The following BDP1 variants were observed in gnomAD, a reference collection of about 807,000 sequenced individuals.
BDP1 encodes the protein BDP1 general transcription factor IIIB subunit.
BDP1 carries 169 observed loss-of-function variants against 266.6 expected under a neutral mutation model. The ratio of observed to expected loss-of-function variants is 0.63; its 90% confidence interval spans 0.56 to 0.72. The LOEUF (loss-of-function observed/expected upper bound fraction) is 0.72, where lower values mean the gene tolerates loss of function less well. Among genes scored for constraint, BDP1 ranks in the 30% least tolerant of loss-of-function variants. BDP1 has a pLI of 0.00. For synonymous variants in BDP1, 1,090 were observed against 1,022.4 expected (o/e 1.07, Z -1.26); for missense variants, 3,015 against 3,053.8 (o/e 0.99, Z 0.30).
chr5:71,467,249 GAT>G, intron 5 of BDP1, 103 bp from the exon 6 acceptor site: 1 of 910,148 alleles, frequency 1.1e-6, no homozygotes. Flanking sequence ...TTATGCCTTT[GAT>G]ATGATTGCCA....
chr5:71,574,299 G>C, the BDP1 span, among the ~76,000 whole-genome samples: 1 of 152,212 alleles, frequency 6.6e-6, no homozygotes, highest in Admixed American at 6.5e-5. Context: ...TGTCCTCGCT[G>C]TAACAAAGGA....
At chr5:71,471,070 A>G in intron 7 of BDP1, among the ~76,000 whole-genome samples, 1 of 151,976 alleles carries the variant, frequency 6.6e-6, no homozygotes, top group Non-Finnish European at 1.5e-5. Flanking sequence ...CACTGCAACT[A>G]AGATATAAGA....
At chr5:71,473,100 G>C (rs1762364202) in intron 7 of BDP1, among the ~76,000 whole-genome samples, 1 of 151,204 alleles carries the variant, frequency 6.6e-6, no homozygotes, top group African/African-American at 2.4e-5. Flanking sequence ...GCTCAGGCTG[G>C]TCTGGGACTC....
intron 9 of BDP1, 54 bp downstream of exon 9, chr5:71,486,681 A>G (rs974882356): frequency 7.1e-7 from 1 of 1,400,768 alleles, no homozygotes. Context: ...TAAACTTGCA[A>G]TATTGTCCCT....
intron 34 of BDP1, among the ~76,000 whole-genome samples, chr5:71,551,195 G>A (rs1351356063): frequency 6.6e-6 from 1 of 152,108 alleles, no homozygotes. Context: ...CAATAGTGGA[G>A]GGAAGGTCAG....
intron 25 of BDP1, among the ~76,000 whole-genome samples, chr5:71,525,445 C>T (rs78048995): frequency 0.72 from 34,812 of 48,396 alleles, 12,229 homozygotes; most frequent in East Asian, 0.85. Flanking sequence ...GGGGGGCTGA[C>T]ACCCCCCACC....
At chr5:71,499,032 TTATC>T (rs1336962670) in intron 13 of BDP1, among the ~76,000 whole-genome samples, 2 of 152,194 alleles carry the variant, frequency 1.3e-5, no homozygotes, top group Non-Finnish European at 2.9e-5. Context: ...GCCAATAACT[TTATC>T]TATGTATGCA....
chr5:71,481,613 A>G (rs1425448805), intron 7 of BDP1, among the ~76,000 whole-genome samples: 1 of 152,180 alleles, frequency 6.6e-6, no homozygotes, highest in East Asian at 1.9e-4. Context: ...CTGTTAATGT[A>G]CTGCCAACTT....
chr5:71,519,304 T>C (rs1423168634), intron 22 of BDP1, among the ~76,000 whole-genome samples: 1 of 152,228 alleles, frequency 6.6e-6, no homozygotes, highest in African/African-American at 2.4e-5. Context: ...TTCATACTTT[T>C]ATCTTTATAT....
rs1451912658 is a variant in BDP1 at position 71,512,372 on chromosome 5, AG to A, written c.4192del (p.Val1398SerfsTer18). 1 of 1,594,794 alleles carries A rather than the reference AG, an allele frequency of 6.3e-7. No individual in the cohort carries two copies. Among genetic ancestry groups the A allele is most frequent in the East Asian group, 2.2e-5 (1 of 44,532 alleles). ...AGACTCATGAATCTGATAAAACAGA[AG>A]TCCAGGGGATTCAATCTCCAGATGT... ...SQTHESDKTE[V>X]QGIQSPDVPE... is the part of the protein sequence containing the mutation. On this transcript the variant is annotated frameshift_variant, in exon 18 of 39. Coordinates refer to ENST00000358731, the MANE Select transcript of BDP1 (RefSeq NM_018429.3). LOFTEE classifies it high-confidence loss of function.
Position 71,478,270 on chromosome 5 carries a change from GC to G in BDP1, c.1015-5571del, listed in dbSNP as rs1375635717. Among the ~76,000 whole-genome samples the G allele has an allele frequency of 2.0e-5, 3 of 151,706 alleles. No individual in the cohort carries two copies. The East Asian group carries it at 5.8e-4, about 29-fold the overall frequency. On this transcript the variant is annotated intron_variant, in intron 7 of 38. Coordinates refer to ENST00000358731, the MANE Select transcript of BDP1 (RefSeq NM_018429.3). Reference sequence around the variant, plus strand: ...GTCTCAAAAACAAAAACAAAAACAAGCAAACAAAAAAACAGCTCTCTCTCTC... The same window carrying G: ...GTCTCAAAAACAAAAACAAAAACAAGAAACAAAAAAACAGCTCTCTCTCTC...
At position 71,488,663 on chromosome 5, in the gene BDP1, A is replaced by G. The variant is rs550387883; in HGVS notation, c.1214-741A>G. Reference sequence around the variant, plus strand: ...AGCCTGGTCTTGAGCTCCTGACCTCAAGTGATCTGCCTGTGTCAGCCTCCC... The same window carrying G: ...AGCCTGGTCTTGAGCTCCTGACCTCGAGTGATCTGCCTGTGTCAGCCTCCC... On this transcript the variant is annotated intron_variant, in intron 9 of 38. Transcript: ENST00000358731. Among the ~76,000 whole-genome samples the G allele has an allele frequency of 4.0e-5, 6 of 150,628 alleles. No homozygotes were observed. In the East Asian group the frequency reaches 1.2e-3, roughly 30 times the overall value.
At chr5:71,461,749 A>G (rs201246625) in intron 2 of BDP1, 68 bp from the exon 3 acceptor site, 1 of 879,110 alleles carries the variant, frequency 1.1e-6, no homozygotes, top group Non-Finnish European at 1.9e-6. Flanking sequence ...TGGACTGTAT[A>G]TTTGCATATA....
downstream of BDP1, among the ~76,000 whole-genome samples, chr5:71,570,214 C>T (rs1293565629): frequency 6.6e-6 from 1 of 152,170 alleles, no homozygotes; most frequent in Non-Finnish European, 1.5e-5. Context: ...CTCTGGAAAT[C>T]AGTATAATTT....
the BDP1 span, among the ~76,000 whole-genome samples, chr5:71,576,579 C>A: frequency 6.6e-6 from 1 of 152,246 alleles, no homozygotes; most frequent in African/African-American, 2.4e-5. Context: ...TCCTACCCCC[C>A]TCCATAGACC....
chr5:71,522,285 C>A lies in BDP1; in HGVS notation c.4992-4C>A, dbSNP rs1464186238. On this transcript the variant is annotated splice_polypyrimidine_tract_variant and splice_region_variant and intron_variant, in intron 22 of 38. Coordinates refer to ENST00000358731, the MANE Select transcript of BDP1 (RefSeq NM_018429.3). ...TCTTCAACATGATTCATACTTCATT[C>A]TAGACATGAAAATAAACCGTATGTT... is the stretch of plus-strand genomic sequence containing the variant. The A allele has an allele frequency of 6.2e-7, 1 of 1,609,236 alleles. No individual in the cohort carries two copies. The highest frequency in any genetic ancestry group is 2.2e-5 in the East Asian group (1 of 44,850).
Position 71,539,560 on chromosome 5 carries a change from C to A in BDP1, c.5933C>A (p.Thr1978Asn). 1 of 1,604,216 alleles carries A rather than the reference C, an allele frequency of 6.2e-7. No individual in the cohort carries two copies. The highest frequency in any genetic ancestry group is 8.5e-7 in the Non-Finnish European group (1 of 1,174,640). Reference protein sequence around the residue: ...TSEHIQDEPGTNDGSTEAAIT... With the variant: ...TSEHIQDEPGNNDGSTEAAIT... ...TGTTGATATATTTCCTCACAAGGTACCAATGATGGAAGCACCGAAGCTGCA... is the reference window on the plus strand; with the variant it reads ...TGTTGATATATTTCCTCACAAGGTAACAATGATGGAAGCACCGAAGCTGCA... Residue 1978 changes from threonine (T) to asparagine (N), a missense_variant, in exon 28 of 39, where the codon ACC becomes AAC. Around this residue, in one of 3 missense-constraint regions of BDP1, gnomAD observed 2,383 missense variants for 2,404.9 expected, o/e 0.99. Coordinates refer to ENST00000358731, the MANE Select transcript of BDP1 (RefSeq NM_018429.3).
intron 36 of BDP1, among the ~76,000 whole-genome samples, chr5:71,559,778 T>G (rs1284595447): frequency 1.3e-5 from 2 of 152,200 alleles, no homozygotes; most frequent in Non-Finnish European, 2.9e-5. Context: ...CTATTTTGTT[T>G]CTGAATGCAG....
intron 9 of BDP1, among the ~76,000 whole-genome samples, chr5:71,487,363 T>C (rs1470751580): frequency 6.6e-6 from 1 of 152,122 alleles, no homozygotes; most frequent in Non-Finnish European, 1.5e-5. Context: ...TGCCTCAGCC[T>C]CCCGAGTAGC....
Sources: gnomAD v4.1 joint callset for allele counts (sites outside exome capture counted in the v4.1 genomes callset) on GRCh38, gnomAD v4.1.1 for gene constraint, gnomAD v4.1.1 regional missense constraint, MANE v1.5 for transcripts, NCBI Gene and HGNC (gene_info 2026-07-23, HGNC 2026-07-21) for gene names.